Variants in DLEU7 observed in about 807,000 individuals in gnomAD.
DLEU7 encodes the protein leukemia-associated protein 7.
In DLEU7, 17 loss-of-function variants were observed where a neutral mutation model predicts 16.0. The observed-to-expected ratio is 1.06, with a 90% confidence interval of 0.73 to 1.59. The LOEUF (loss-of-function observed/expected upper bound fraction) is 1.59, where lower values mean the gene tolerates loss of function less well. Among genes scored for constraint, DLEU7 ranks in the 40% most tolerant of loss-of-function variants. DLEU7 has a pLI of 0.00. For synonymous variants in DLEU7, 113 were observed against 139.8 expected (o/e 0.81, Z 1.35); for missense variants, 308 against 314.9 (o/e 0.98, Z 0.17).
At chr13:50,803,916 C>T (rs1017982868) in intron 1 of DLEU7, among the ~76,000 whole-genome samples, 2 of 152,066 alleles carry the variant, frequency 1.3e-5, no homozygotes, top group African/African-American at 4.8e-5. Context: ...TTAAAGAGAT[C>T]TTCCTTACTA....
chr13:50,765,437 AAAG>A (rs1481579694), intron 1 of DLEU7, among the ~76,000 whole-genome samples: 1 of 151,988 alleles, frequency 6.6e-6, no homozygotes, highest in Non-Finnish European at 1.5e-5. Flanking sequence ...GAGGAAGGAG[AAAG>A]AAGAGGAGGA....
At chr13:50,787,522 C>T (rs895378905) in intron 1 of DLEU7, among the ~76,000 whole-genome samples, 1 of 152,080 alleles carries the variant, frequency 6.6e-6, no homozygotes, top group Non-Finnish European at 1.5e-5. Flanking sequence ...TATCAAATCC[C>T]TGCAGAAGTC....
At chr13:50,841,032 A>G (rs1231669903) in intron 1 of DLEU7, among the ~76,000 whole-genome samples, 1 of 152,194 alleles carries the variant, frequency 6.6e-6, no homozygotes, top group Non-Finnish European at 1.5e-5. Flanking sequence ...GGCATAGTTT[A>G]TAGTGGACTG....
chr13:50,818,256 G>A (rs1474537492), downstream of DLEU7, among the ~76,000 whole-genome samples: 7 of 152,016 alleles, frequency 4.6e-5, no homozygotes, highest in East Asian at 1.9e-4. Context: ...GCACTACATG[G>A]GAAAATTGAG....
At chr13:50,732,626 AGCTTATGT>A (rs1214868855) in intron 1 of DLEU7, among the ~76,000 whole-genome samples, 19 of 151,194 alleles carry the variant, frequency 1.3e-4, no homozygotes, top group African/African-American at 4.6e-4. Flanking sequence ...AAAAAAAAAA[AGCTTATGT>A]GCTTATGTTC....
intron 1 of DLEU7, among the ~76,000 whole-genome samples, chr13:50,716,670 A>G (rs147769646): frequency 1.3e-5 from 2 of 152,242 alleles, no homozygotes; most frequent in African/African-American, 2.4e-5. Context: ...TGCCTTGTTC[A>G]TAGGATTGTA....
chr13:50,820,672 C>G (rs924643525), downstream of DLEU7, among the ~76,000 whole-genome samples: 1 of 151,950 alleles, frequency 6.6e-6, no homozygotes, highest in East Asian at 1.9e-4. Flanking sequence ...TGTGGAAGAG[C>G]CTTCAGAGAG....
intron 1 of DLEU7, among the ~76,000 whole-genome samples, chr13:50,763,564 G>T (rs1483050790): frequency 6.6e-6 from 1 of 152,194 alleles, no homozygotes; most frequent in Non-Finnish European, 1.5e-5. Context: ...TCATGTGAGT[G>T]CCCTAAACAG....
Position 50,726,497 on chromosome 13 carries a change from G to A in DLEU7, c.460-13257C>T, listed in dbSNP as rs1873766776. Reference sequence around the variant, plus strand: ...TTAAATTTCCCTCGAAAATACACAAGGGTTTAAATTAAGGGTAAACGTTGC... The same window carrying A: ...TTAAATTTCCCTCGAAAATACACAAAGGTTTAAATTAAGGGTAAACGTTGC... On this transcript the variant is annotated intron_variant, in intron 1 of 1. Coordinates refer to the DLEU7 transcript ENST00000400393. The surrounding 1 kb of genome is among the most constrained non-coding windows in gnomAD (Gnocchi z 4.0). Among the ~76,000 whole-genome samples the A allele has an allele frequency of 1.3e-5, 2 of 152,076 alleles. No individual in the cohort carries two copies. The highest frequency in any genetic ancestry group is 1.3e-4 in the Admixed American group (2 of 15,270).
chr13:50,717,553 C>T (rs12864972), intron 1 of DLEU7, among the ~76,000 whole-genome samples: 24,694 of 150,042 alleles, frequency 0.16, 2,407 homozygotes, highest in Middle Eastern at 0.28. Flanking sequence ...TAACAAATAG[C>T]GTGAAGTCTC....
At chr13:50,776,272 T>C (rs549984030) in intron 1 of DLEU7, among the ~76,000 whole-genome samples, 3 of 152,314 alleles carry the variant, frequency 2.0e-5, no homozygotes, top group Non-Finnish European at 4.4e-5. Context: ...GTTTTATCTG[T>C]GGAAATGATC....
At chr13:50,717,966 T>G (rs973533898) in intron 1 of DLEU7, among the ~76,000 whole-genome samples, 5 of 152,124 alleles carry the variant, frequency 3.3e-5, no homozygotes, top group Non-Finnish European at 5.9e-5. Flanking sequence ...ATGGGAAAAT[T>G]TAAAATCTTG....
Position 50,726,883 on chromosome 13 carries a change from T to C in DLEU7, c.460-13643A>G, listed in dbSNP as rs1873775568. Among the ~76,000 whole-genome samples the C allele has an allele frequency of 1.3e-5, 2 of 152,196 alleles. No homozygotes were observed. The highest frequency in any genetic ancestry group is 2.9e-5 in the Non-Finnish European group (2 of 68,030). On this transcript the variant is annotated intron_variant, in intron 1 of 1. Coordinates refer to the DLEU7 transcript ENST00000400393. This position sits in a 1 kb window ranked among gnomAD's most constrained non-coding sequence, Gnocchi z 4.0. ...CTTACTGAGATTCTTGGATGACACA[T>C]GCCAATTAATCCAGTTAATCTTTTT...
At chr13:50,725,047 C>T (rs981472298) in intron 1 of DLEU7, among the ~76,000 whole-genome samples, 35 of 151,800 alleles carry the variant, frequency 2.3e-4, no homozygotes, top group African/African-American at 7.5e-4. Context: ...GCCCATGGTC[C>T]GGGCTGACTG....
chr13:50,772,930 CAT>C (rs1875366608), intron 1 of DLEU7, among the ~76,000 whole-genome samples: 1 of 152,210 alleles, frequency 6.6e-6, no homozygotes, highest in Non-Finnish European at 1.5e-5. Context: ...GGTCTTTTCA[CAT>C]AGTCCTATAT....
At chr13:50,715,105 C>T (rs1273755744) in intron 1 of DLEU7, among the ~76,000 whole-genome samples, 1 of 152,142 alleles carries the variant, frequency 6.6e-6, no homozygotes, top group Non-Finnish European at 1.5e-5. Context: ...GCCACTGGCT[C>T]CTTGCAGCCT....
At chr13:50,781,638 C>T (rs1221718673) in intron 1 of DLEU7, among the ~76,000 whole-genome samples, 2 of 152,170 alleles carry the variant, frequency 1.3e-5, no homozygotes, top group Non-Finnish European at 2.9e-5. Context: ...TTTATGGCTC[C>T]TTATCATCTG....
At chr13:50,830,888 C>T (rs1949730803) in intron 1 of DLEU7, among the ~76,000 whole-genome samples, 1 of 152,140 alleles carries the variant, frequency 6.6e-6, no homozygotes, top group South Asian at 2.1e-4. Flanking sequence ...CATCTGAATG[C>T]TGGTTCTACC....
chr13:50,729,658 G>C (rs1873864788), intron 1 of DLEU7, among the ~76,000 whole-genome samples: 1 of 152,220 alleles, frequency 6.6e-6, no homozygotes. Flanking sequence ...TGTAAGCAGA[G>C]TATAAGTGTT....
Sources: allele counts gnomAD v4.1 joint callset (sites outside exome capture counted in the v4.1 genomes callset), GRCh38; gene constraint gnomAD v4.1.1; non-coding constraint Gnocchi (gnomAD v3.1); transcripts MANE v1.5; gene names NCBI Gene and HGNC (gene_info 2026-07-23, HGNC 2026-07-21).